Variants in ERCC6L2 observed in about 807,000 individuals in gnomAD.
ERCC6L2 encodes ERCC excision repair 6 like 2.
ERCC6L2 carries 77 observed loss-of-function variants against 132.0 expected under a neutral mutation model. That is an observed-to-expected ratio of 0.58 (90% confidence interval 0.49 to 0.71). The LOEUF (loss-of-function observed/expected upper bound fraction) is 0.71, where lower values mean the gene tolerates loss of function less well. ERCC6L2 is among the 30% of genes least tolerant of loss of function. ERCC6L2 has a pLI of 0.00. For synonymous variants in ERCC6L2, 583 were observed against 632.4 expected, an observed-to-expected ratio of 0.92 and a Z score of 1.17; for missense variants, 1,542 against 1,837.6, an observed-to-expected ratio of 0.84 and a Z score of 2.94.
intron 19 of ERCC6L2, among the ~76,000 whole-genome samples, chr9:96,035,085 C>T (rs899031758): frequency 3.0e-4 from 45 of 152,144 alleles, no homozygotes; most frequent in African/African-American, 1.1e-3. Flanking sequence ...CCTGCAGGCT[C>T]GGGGGTGTCT....
intron 16 of ERCC6L2, among the ~76,000 whole-genome samples, chr9:95,976,303 T>C (rs1203789056): frequency 1.3e-5 from 2 of 152,142 alleles, no homozygotes; most frequent in Non-Finnish European, 2.9e-5. Flanking sequence ...GTTTTTCCTC[T>C]TTATTGGGCC....
intron 17 of ERCC6L2, among the ~76,000 whole-genome samples, chr9:95,992,453 C>G (rs1337236437): frequency 6.6e-6 from 1 of 152,160 alleles, no homozygotes; most frequent in African/African-American, 2.4e-5. Context: ...TGGTCTTTCT[C>G]TGTGTGAAAA....
intron 3 of ERCC6L2, among the ~76,000 whole-genome samples, chr9:95,903,438 C>G (rs1332000976): frequency 6.6e-6 from 1 of 152,046 alleles, no homozygotes; most frequent in East Asian, 1.9e-4. Flanking sequence ...CTCCTCAAAA[C>G]CTATTGATAT....
chr9:95,897,915 C>T lies in ERCC6L2; in HGVS notation c.538C>T (p.Pro180Ser). The T allele has an allele frequency of 6.2e-7, 1 of 1,612,114 alleles. No individual in the cohort carries two copies. The highest frequency in any genetic ancestry group is 8.5e-7 in the Non-Finnish European group (1 of 1,179,034). The change falls in exon 3 of 19, where the codon CCA becomes TCA. Residue 180 changes from proline to serine, a missense_variant. This residue lies in a region of ERCC6L2 where 945 missense variants were observed against 1,105.2 expected (regional missense o/e 0.86). Transcript: ENST00000653738. ...TCGTGAGGATATTGAAAATAACATG[C>T]CAGAGTTTTTACTAAGAAGTATGAA... ...GTREDIENNMPEFLLRSMKKE... is the reference protein window; with the variant it reads ...GTREDIENNMSEFLLRSMKKE...
intron 2 of ERCC6L2, among the ~76,000 whole-genome samples, chr9:95,888,869 T>A (rs1385725690): frequency 6.6e-6 from 1 of 152,230 alleles, no homozygotes. Context: ...CTGCTAGCAT[T>A]ACCACAATAC....
chr9:96,026,847 A>C (rs1463824576), intron 19 of ERCC6L2, among the ~76,000 whole-genome samples: 1 of 145,310 alleles, frequency 6.9e-6, no homozygotes, highest in Non-Finnish European at 1.5e-5. Context: ...AACACGCCCC[A>C]CACCACACAA....
intron 14 of ERCC6L2, among the ~76,000 whole-genome samples, chr9:95,969,478 C>T (rs780359379): frequency 1.1e-4 from 17 of 151,966 alleles, no homozygotes; most frequent in Non-Finnish European, 1.6e-4. Flanking sequence ...GATTTGCTGA[C>T]GGGTCAGATA....
intron 4 of ERCC6L2, among the ~76,000 whole-genome samples, chr9:95,911,044 G>A (rs900905144): frequency 3.4e-4 from 52 of 152,076 alleles, no homozygotes; most frequent in African/African-American, 1.1e-3. Context: ...ACAGGCATGC[G>A]CCACCATGCC....
rs1330661187 is a variant in ERCC6L2 at position 96,018,263 on chromosome 9, G to A, written c.*5060G>A. Among the ~76,000 whole-genome samples the A allele has an allele frequency of 6.6e-6, 1 of 151,980 alleles. No homozygotes were observed. The highest frequency in any genetic ancestry group is 1.5e-5 in the Non-Finnish European group (1 of 67,980). ...TATGTGTTTTACAATTTTAAAAATG[G>A]AAAAAAAGTAAGACCAAAAGCAACA... is the stretch of plus-strand genomic sequence containing the variant. On this transcript the variant is annotated 3_prime_UTR_variant, in exon 19 of 19. Transcript: ENST00000653738.
chr9:95,995,553 C>G (rs951453660), intron 17 of ERCC6L2, among the ~76,000 whole-genome samples: 1 of 152,092 alleles, frequency 6.6e-6, no homozygotes, highest in Admixed American at 6.6e-5. Context: ...ATAGGCATTC[C>G]TTGTTTTAGT....
chr9:95,899,238 C>T (rs1240497865), intron 3 of ERCC6L2, among the ~76,000 whole-genome samples: 2 of 151,954 alleles, frequency 1.3e-5, no homozygotes, highest in African/African-American at 4.8e-5. Context: ...TTGCTTGAGC[C>T]CAGGAGTTAA....
Position 96,004,604 on chromosome 9 carries a change from C to A in ERCC6L2, c.3577C>A (p.Leu1193Ile), listed in dbSNP as rs376796861. The change falls in exon 18 of 19, where the codon CTT (leucine) becomes ATT (isoleucine). Residue 1193 changes from leucine to isoleucine, a missense_variant. Leu to Ile is a conservative substitution (Grantham distance 5). Transcript: ENST00000653738. ...GAGTGAAGGCAGCATTTCACTTCCT[C>A]TTTACATTTCAAATCCTGTAAACCA... ...QPSEGSISLP[L>I]YISNPVNQKK... 3 of 1,316,700 alleles carry A rather than the reference C, an allele frequency of 2.3e-6. No individual in the cohort carries two copies. In the African/African-American group the frequency reaches 4.5e-5, roughly 20 times the overall value. 81.6% of individuals were successfully genotyped at this position (1,316,700 alleles called of 1,614,324 possible).
rs896662754 is a variant in ERCC6L2 at position 96,015,358 on chromosome 9, T to C, written c.*2155T>C. On this transcript the variant is annotated 3_prime_UTR_variant, in exon 19 of 19. Coordinates refer to ENST00000653738, the MANE Select transcript of ERCC6L2 (RefSeq NM_020207.7). ...GTGCCACCACGCCCAGCTAATTTTT[T>C]TGTGTTTTTAGTAGGGATGGGGTTT... 1.3e-5 allele frequency among the ~76,000 whole-genome samples: 2 copies of C among 151,692 alleles called. No individual in the cohort carries two copies. Among genetic ancestry groups the C allele is most frequent in the African/African-American group, 4.8e-5 (2 of 41,372 alleles).
chr9:95,929,284 A>G (rs1268775496), intron 11 of ERCC6L2, among the ~76,000 whole-genome samples: 1 of 152,170 alleles, frequency 6.6e-6, no homozygotes, highest in East Asian at 1.9e-4. Context: ...CTCTGCCTCT[A>G]CCTCATCTCA....
At chr9:95,977,703 G>T (rs1234068714) in intron 16 of ERCC6L2, among the ~76,000 whole-genome samples, 2 of 151,304 alleles carry the variant, frequency 1.3e-5, no homozygotes, top group African/African-American at 4.9e-5. Context: ...GAACAGATAA[G>T]GTTAGTTTCA....
Position 95,898,547 on chromosome 9 carries a change from C to T in ERCC6L2, c.594+576C>T, listed in dbSNP as rs536933667. Among the ~76,000 whole-genome samples the T allele has an allele frequency of 5.1e-4, 78 of 152,070 alleles. 1 individual carries two copies. The highest frequency in any genetic ancestry group is 1.0e-3 in the South Asian group (5 of 4,822). ...ATACTTCAGTTTTCTTCTTCATAAA[C>T]GTATGTTTATAAATACGTTATATAT... On this transcript the variant is annotated intron_variant, in intron 3 of 18. Coordinates refer to ENST00000653738, the MANE Select transcript of ERCC6L2 (RefSeq NM_020207.7).
rs1827783594 is a variant in ERCC6L2, at chr9:95,884,891, T to C, written c.471+3598T>C. Among the ~76,000 whole-genome samples, 5 of 152,352 alleles carry C rather than the reference T, an allele frequency of 3.3e-5. No individual in the cohort carries two copies. The South Asian group carries it at 1.0e-3, about 32-fold the overall frequency. On this transcript the variant is annotated intron_variant, in intron 2 of 18. Transcript: ENST00000653738. ...AGAGAGACGAGAATTTGAGGGGGTT[T>C]CTTTTTTGTTTGTTTTGTATTGTTT...
chr9:96,019,799 A>G (rs1292795775), downstream of ERCC6L2: 2 of 152,320 alleles, frequency 1.3e-5, no homozygotes, highest in African/African-American at 4.8e-5. Flanking sequence ...GAAGCTTACA[A>G]TCATGGAGGC....
intron 12 of ERCC6L2, among the ~76,000 whole-genome samples, chr9:95,952,848 A>C (rs1831405806): frequency 6.6e-6 from 1 of 152,082 alleles, no homozygotes; most frequent in African/African-American, 2.4e-5. Context: ...AATAAAAAAA[A>C]AAAAGGAAAC....
Sources: gnomAD v4.1 joint callset for allele counts (sites outside exome capture counted in the v4.1 genomes callset) on GRCh38, gnomAD v4.1.1 for gene constraint, gnomAD v4.1.1 regional missense constraint, MANE v1.5 for transcripts, NCBI Gene and HGNC (gene_info 2026-07-23, HGNC 2026-07-21) for gene names.